The following CHAT variants were observed in gnomAD, a reference collection of about 807,000 sequenced individuals.
CHAT encodes choline O-acetyltransferase, also known as acetyl CoA:choline O-acetyltransferase.
CHAT carries 61 observed loss-of-function variants against 76.9 expected under a neutral mutation model. That is an observed-to-expected ratio of 0.79 (90% CI 0.65 to 0.98). CHAT has a LOEUF of 0.98. CHAT is among the 50% of genes least tolerant of loss of function. The pLI, the probability that CHAT is intolerant of heterozygous loss-of-function variation, is 0.00. For missense variants in CHAT, 946 were observed against 986.9 expected, an observed-to-expected ratio of 0.96 and a Z score of 0.56; for synonymous variants, 407 against 397.4, an observed-to-expected ratio of 1.02 and a Z score of -0.29.
upstream of CHAT, chr10:49,611,623 G>A (rs1193882855): frequency 6.2e-7 from 1 of 1,611,566 alleles, no homozygotes; most frequent in African/African-American, 1.3e-5. Context: ...TGCCGTGGTG[G>A]CCGGCGCGCT....
At chr10:49,636,838 T>C (rs1839309424) in intron 7 of CHAT, among the ~76,000 whole-genome samples, 1 of 152,220 alleles carries the variant, frequency 6.6e-6, no homozygotes, top group Non-Finnish European at 1.5e-5. Context: ...TTAATAATTA[T>C]AGGGCTATTC....
chr10:49,621,755 C>G (rs1261204159), intron 4 of CHAT, among the ~76,000 whole-genome samples: 2 of 152,110 alleles, frequency 1.3e-5, no homozygotes, highest in Non-Finnish European at 2.9e-5. Flanking sequence ...AAGATGATTC[C>G]AGTTTCCTCT....
At position 49,649,731 on chromosome 10, in the gene CHAT, C is replaced by G. The variant is rs1305597017; in HGVS notation, c.1511+95C>G. On this transcript the variant is annotated intron_variant, in intron 10 of 14. Coordinates refer to ENST00000337653, the MANE Select transcript of CHAT (RefSeq NM_020549.5). ...AGGCTCCCTGGAAGTTTCCAAAGAC[C>G]CCAGCTCCTCTGCCTCTCCTTGGGC... The G allele has an allele frequency of 4.4e-6, 6 of 1,363,180 alleles. No homozygotes were observed. The Admixed American group carries it at 1.0e-4, about 23-fold the overall frequency. 84.4% of individuals were successfully genotyped at this position (1,363,180 alleles called of 1,614,324 possible). A position where few individuals can be genotyped will look rare whatever the true frequency, so the allele number is the denominator to read the frequency against.
rs187580086 is a variant in CHAT at position 49,628,728 on chromosome 10, G to A, written c.1111+943G>A. Among the ~76,000 whole-genome samples, 564 of 152,366 alleles carry A rather than the reference G, an allele frequency of 3.7e-3. 11 individuals are homozygous for A. In the South Asian group the frequency reaches 0.065, roughly 18 times the overall value. ...ATTGTGAAAGGCTCTGTTAGAAGAG[G>A]TGGGAATGGAACAAAGCCCCATGGC... On this transcript the variant is annotated intron_variant, in intron 7 of 14. Transcript: ENST00000337653.
chr10:49,639,175 A>G (rs1839393294), intron 7 of CHAT, among the ~76,000 whole-genome samples: 1 of 152,182 alleles, frequency 6.6e-6, no homozygotes, highest in Non-Finnish European at 1.5e-5. Flanking sequence ...CGGAAGTTGC[A>G]GTGAGCCGAG....
chr10:49,632,743 C>G (rs1396712083), intron 7 of CHAT, among the ~76,000 whole-genome samples: 1 of 152,226 alleles, frequency 6.6e-6, no homozygotes, highest in African/African-American at 2.4e-5. Context: ...TGAGCCTTCA[C>G]CCTGCCCCCA....
rs951514261 is a variant in CHAT, at chr10:49,655,755, T to A, written c.1839+307T>A. On this transcript the variant is annotated intron_variant, in intron 13 of 14. Coordinates refer to ENST00000337653, the MANE Select transcript of CHAT (RefSeq NM_020549.5). Reference sequence around the variant, plus strand: ...CATCTTGCAGTTTATACAAGAGGAGTCAACTGTGAGGGGAAGGGGCTCAAG... The same window carrying A: ...CATCTTGCAGTTTATACAAGAGGAGACAACTGTGAGGGGAAGGGGCTCAAG... Among the ~76,000 whole-genome samples the A allele has an allele frequency of 7.2e-5, 11 of 151,882 alleles. 1 individual carries two copies. The highest frequency in any genetic ancestry group is 7.2e-4 in the Admixed American group (11 of 15,256).
rs776411377 is a variant in CHAT at position 49,614,308 on chromosome 10, G to T, written c.119G>T (p.Gly40Val). The T allele has an allele frequency of 8.4e-5, 130 of 1,547,850 alleles. No homozygotes were observed. Among genetic ancestry groups the T allele is most frequent in the Non-Finnish European group, 1.1e-4 (126 of 1,146,286 alleles). Residue 40 changes from glycine to valine, a missense_variant, in exon 1 of 15, where the codon GGT (glycine) becomes GTT (valine). Physicochemically the swap from Gly to Val is moderately radical, Grantham distance 109. This residue lies in a region of CHAT where 548 missense variants were observed against 516.2 expected (regional missense o/e 1.06). Coordinates refer to ENST00000337653, the MANE Select transcript of CHAT (RefSeq NM_020549.5). ...EVRPACFLQS[G>V]GRGDPGDVGG... Reference sequence around the variant, plus strand: ...CGGCCAGCTTGCTTTCTCCAGTCGGGTGGCCGCGGGGACCCGGGCGACGTC... The same window carrying T: ...CGGCCAGCTTGCTTTCTCCAGTCGGTTGGCCGCGGGGACCCGGGCGACGTC...
Position 49,620,445 on chromosome 10 carries a change from G to T in CHAT, c.580-50G>T, listed in dbSNP as rs368636813. On this transcript the variant is annotated intron_variant, in intron 3 of 14. Transcript: ENST00000337653. Reference sequence around the variant, plus strand: ...CCCGATTTTCTCTCGGGGCTGTCAGGATGGGACTGTTTGGGGGGATGTGAC... The same window carrying T: ...CCCGATTTTCTCTCGGGGCTGTCAGTATGGGACTGTTTGGGGGGATGTGAC... The T allele has an allele frequency of 2.3e-5, 28 of 1,241,794 alleles. No homozygotes were observed. In the East Asian group the frequency reaches 6.1e-4, roughly 27 times the overall value. 76.9% of individuals were successfully genotyped at this position (1,241,794 alleles called of 1,614,324 possible).
chr10:49,627,964 C>T (rs1284004040), intron 7 of CHAT, among the ~76,000 whole-genome samples, 179 bp downstream of exon 7: 1 of 152,040 alleles, frequency 6.6e-6, no homozygotes, highest in Non-Finnish European at 1.5e-5. Flanking sequence ...CTTTTGTGCC[C>T]TCGTGTTCCA....
chr10:49,649,259 T>C (rs186200210), intron 9 of CHAT, among the ~76,000 whole-genome samples: 1 of 152,244 alleles, frequency 6.6e-6, no homozygotes, highest in African/African-American at 2.4e-5. Flanking sequence ...AGGAAAACAA[T>C]GAAAAGAAAT....
At chr10:49,653,237 G>A (rs772186873) in intron 11 of CHAT, among the ~76,000 whole-genome samples, 15 of 152,024 alleles carry the variant, frequency 9.9e-5, no homozygotes, top group Admixed American at 2.6e-4. Flanking sequence ...GCTGTGTGTC[G>A]GGGAAGGGGT....
At position 49,649,539 on chromosome 10, in the gene CHAT, G is replaced by A. The variant is rs2132811983; in HGVS notation, c.1414G>A (p.Asp472Asn). ...GAGCAGCAGGAAGCTGATCCGAGCAGACTCCGTCAGCGAGCTCCCCGCCCC... is the reference window on the plus strand; with the variant it reads ...GAGCAGCAGGAAGCTGATCCGAGCAAACTCCGTCAGCGAGCTCCCCGCCCC... ...TQSSRKLIRA[D>N]SVSELPAPRR... Residue 472 changes from aspartate to asparagine, a missense_variant, in exon 10 of 15, where the codon GAC (aspartate) becomes AAC (asparagine). By Grantham distance (23) the Asp-to-Asn change is conservative. Coordinates refer to ENST00000337653, the MANE Select transcript of CHAT (RefSeq NM_020549.5). The A allele has an allele frequency of 9.3e-6, 15 of 1,613,872 alleles. No individual in the cohort carries two copies. Among genetic ancestry groups the A allele is most frequent in the Non-Finnish European group, 1.3e-5 (15 of 1,180,040 alleles).
At position 49,627,757 on chromosome 10, in the gene CHAT, G is replaced by A. The variant is rs753310881; in HGVS notation, c.1083G>A (p.Trp361Ter). 1.2e-6 allele frequency: 2 copies of A among 1,613,978 alleles called. No homozygotes were observed. Among genetic ancestry groups the A allele is most frequent in the South Asian group, 1.1e-5 (1 of 91,064 alleles). The change falls in exon 7 of 15, where the codon TGG becomes TGA. Residue 361 changes from tryptophan to a stop codon, truncating the protein, a stop_gained. Coordinates refer to ENST00000337653, the MANE Select transcript of CHAT (RefSeq NM_020549.5). LOFTEE classifies it high-confidence loss of function. Reference protein sequence around the residue: ...GLLTSDGRSEWAEARTVLVKD... With the variant: ...GLLTSDGRSE ...TGACGTCTGACGGGAGGAGCGAGTG[G>A]GCCGAGGCCAGGACGGTCCTCGTGA...
At chr10:49,617,363 C>T (rs912046630) in intron 2 of CHAT, among the ~76,000 whole-genome samples, 3 of 152,214 alleles carry the variant, frequency 2.0e-5, no homozygotes, top group Admixed American at 1.3e-4. Flanking sequence ...TCAGAGCAGG[C>T]TCTGTTTCTC....
At chr10:49,625,242 G>A (rs765959979) in intron 5 of CHAT, among the ~76,000 whole-genome samples, 17 of 152,162 alleles carry the variant, frequency 1.1e-4, no homozygotes, top group African/African-American at 2.9e-4. Flanking sequence ...TGCACATGCC[G>A]TGCATGAGGC....
In CHAT at chr10:49,654,824, AT is replaced by A. The variant is rs11330862; in HGVS notation, c.1635-263del. On this transcript the variant is annotated intron_variant, in intron 11 of 14. Coordinates refer to ENST00000337653, the MANE Select transcript of CHAT (RefSeq NM_020549.5). Reference sequence around the variant, plus strand: ...CTCTAGGTTTCCCACCAGGTTGGGAATTTTTTTTGAAGCGCTACCCGTCACT... The same window carrying A: ...CTCTAGGTTTCCCACCAGGTTGGGAATTTTTTTGAAGCGCTACCCGTCACT... Among the ~76,000 whole-genome samples, 125,334 of 152,024 alleles carry A rather than the reference AT, an allele frequency of 0.82. 52,395 individuals are homozygous for A. The highest frequency in any genetic ancestry group is 0.91 in the Non-Finnish European group (61,673 of 67,976).
intron 7 of CHAT, among the ~76,000 whole-genome samples, chr10:49,631,305 G>A (rs1839110967): frequency 6.6e-6 from 1 of 152,152 alleles, no homozygotes; most frequent in South Asian, 2.1e-4. Context: ...TCTCTCCTTG[G>A]CTTGTCGATG....
upstream of CHAT, chr10:49,611,904 C>A: frequency 1.9e-6 from 3 of 1,611,612 alleles, no homozygotes; most frequent in Non-Finnish European, 2.5e-6. Flanking sequence ...TCTCACTATG[C>A]GGCCTCTGTT....
Sources: allele counts gnomAD v4.1 joint callset (sites outside exome capture counted in the v4.1 genomes callset), GRCh38; gene constraint gnomAD v4.1.1; regional missense constraint gnomAD v4.1.1; transcripts MANE v1.5; gene names NCBI Gene and HGNC (gene_info 2026-07-23, HGNC 2026-07-21).